Variants in FAT3 observed in about 807,000 individuals in gnomAD.
The protein encoded by FAT3 is FAT atypical cadherin 3.
In FAT3, 95 loss-of-function variants were observed where a neutral mutation model predicts 310.2. That is an observed-to-expected ratio of 0.31 (90% confidence interval 0.26 to 0.36). The LOEUF is 0.36. FAT3 is among the 10% of genes least tolerant of loss of function. The probability of loss-of-function intolerance (pLI) is 1.00; values close to 1 mark genes in which losing one functional copy is unlikely to be tolerated. For missense variants in FAT3, 5,408 were observed against 5,715.6 expected (o/e 0.95, Z 1.74); for synonymous variants, 2,314 against 2,192.9 (o/e 1.06, Z -1.54).
At chr11:92,665,687 A>G (rs550790875) in intron 3 of FAT3, among the ~76,000 whole-genome samples, 2 of 152,258 alleles carry the variant, frequency 1.3e-5, no homozygotes, top group African/African-American at 4.8e-5. Context: ...CTGGGAGGAA[A>G]ATGGTCTATT....
chr11:92,390,659 C>G (rs1390060564), intron 2 of FAT3, among the ~76,000 whole-genome samples: 1 of 152,116 alleles, frequency 6.6e-6, no homozygotes, highest in African/African-American at 2.4e-5. Flanking sequence ...CAGGATTGCC[C>G]TGCAAGGAAA....
intron 8 of FAT3, among the ~76,000 whole-genome samples, chr11:92,791,312 A>G (rs962047363): frequency 6.6e-6 from 1 of 152,216 alleles, no homozygotes; most frequent in African/African-American, 2.4e-5. Context: ...AGCTTACACT[A>G]AATTGGAACT....
At chr11:92,367,209 GCT>G in intron 2 of FAT3, 1 of 324,522 alleles carries the variant, frequency 3.1e-6, no homozygotes. Flanking sequence ...GGTTCCACAT[GCT>G]CTCTCTGTGG....
chr11:92,739,715 C>T (rs961515968), intron 4 of FAT3, among the ~76,000 whole-genome samples: 10 of 152,262 alleles, frequency 6.6e-5, no homozygotes, highest in Middle Eastern at 3.4e-3. Flanking sequence ...AATAACCTTC[C>T]GTGAGTGTGC....
intron 3 of FAT3, among the ~76,000 whole-genome samples, chr11:92,630,126 G>A (rs1006712230): frequency 8.6e-5 from 13 of 151,934 alleles, no homozygotes; most frequent in South Asian, 4.2e-4. Flanking sequence ...TGCCAGGATC[G>A]CATGGCCCTC....
intron 2 of FAT3, among the ~76,000 whole-genome samples, chr11:92,447,431 G>A (rs1202463756): frequency 2.0e-5 from 3 of 151,968 alleles, no homozygotes; most frequent in Non-Finnish European, 4.4e-5. Context: ...ATTAATGACA[G>A]AATAAAGGTG....
intron 4 of FAT3, among the ~76,000 whole-genome samples, chr11:92,732,065 T>C (rs529422864): frequency 6.6e-6 from 1 of 152,300 alleles, no homozygotes; most frequent in Admixed American, 6.5e-5. Flanking sequence ...TTTCCACTGG[T>C]TTTATTTTTG....
chr11:92,830,637 C>T (rs1948219918), intron 13 of FAT3, among the ~76,000 whole-genome samples: 1 of 152,110 alleles, frequency 6.6e-6, no homozygotes, highest in African/African-American at 2.4e-5. Context: ...TGCTTGACAT[C>T]TGCACTTGAA....
chr11:92,739,288 C>A (rs1216692932), intron 4 of FAT3, among the ~76,000 whole-genome samples: 1 of 152,184 alleles, frequency 6.6e-6, no homozygotes, highest in African/African-American at 2.4e-5. Flanking sequence ...CTCATGCAAT[C>A]TTTTTGTTTT....
At chr11:92,564,071 A>C (rs1211227852) in intron 3 of FAT3, among the ~76,000 whole-genome samples, 3 of 152,236 alleles carry the variant, frequency 2.0e-5, no homozygotes, top group Non-Finnish European at 2.9e-5. Context: ...TAAATGCTCC[A>C]ATTAAAAGAC....
intron 3 of FAT3, among the ~76,000 whole-genome samples, chr11:92,677,460 C>G (rs1467286525): frequency 2.6e-5 from 4 of 152,230 alleles, no homozygotes. Flanking sequence ...ACACTGACCT[C>G]TTTTGTCTGA....
chr11:92,720,990 A>G (rs1026975163), intron 4 of FAT3, among the ~76,000 whole-genome samples: 1 of 152,196 alleles, frequency 6.6e-6, no homozygotes, highest in Non-Finnish European at 1.5e-5. Flanking sequence ...AGGATGTTAC[A>G]TAGGTAAACA....
intron 5 of FAT3, 40 bp from the exon 6 acceptor site, chr11:92,764,836 CAGA>C (rs759919825): frequency 6.5e-5 from 102 of 1,567,356 alleles, no homozygotes; most frequent in Middle Eastern, 3.8e-4. Context: ...CTACAACAAT[CAGA>C]GGTCTGAGAC....
intron 7 of FAT3, among the ~76,000 whole-genome samples, chr11:92,778,529 C>T (rs1007358189): frequency 2.0e-5 from 3 of 152,168 alleles, no homozygotes; most frequent in Non-Finnish European, 4.4e-5. Context: ...GTACAAACAA[C>T]TTAAACCTTC....
chr11:92,491,050 A>C (rs1487744376), intron 2 of FAT3, among the ~76,000 whole-genome samples: 1 of 152,070 alleles, frequency 6.6e-6, no homozygotes, highest in Non-Finnish European at 1.5e-5. Flanking sequence ...GTTTGCCTAG[A>C]GGACCATTAT....
At position 92,790,005 on chromosome 11, in the gene FAT3, T is replaced by C. The variant is rs576676466; in HGVS notation, c.4398T>C (p.Asp1466=). 3 of 1,613,830 alleles carry C rather than the reference T, an allele frequency of 1.9e-6. No homozygotes were observed. The highest frequency in any genetic ancestry group is 1.7e-5 in the Admixed American group (1 of 60,002). ...NGPEFSQPNY[D]VTISEDVLPD... ...CAGAATTCTCTCAGCCGAATTACGATGTGACAATTTCCGAGGATGTGCTTC... is the reference window on the plus strand; with the variant it reads ...CAGAATTCTCTCAGCCGAATTACGACGTGACAATTTCCGAGGATGTGCTTC... The change falls in exon 8 of 28, where the codon GAT becomes GAC. Residue 1466 remains aspartate (D), a synonymous_variant. Coordinates refer to ENST00000525166, the MANE Select transcript of FAT3 (RefSeq NM_001367949.2).
At chr11:92,476,559 G>A (rs1016129797) in intron 2 of FAT3, among the ~76,000 whole-genome samples, 1 of 152,178 alleles carries the variant, frequency 6.6e-6, no homozygotes, top group South Asian at 2.1e-4. Context: ...AGAAAGCAGA[G>A]AGCAAATGAA....
At chr11:92,311,057 CAT>C (rs979733905) in intron 1 of FAT3, among the ~76,000 whole-genome samples, 15 of 151,508 alleles carry the variant, frequency 9.9e-5, no homozygotes, top group Middle Eastern at 3.4e-3. Context: ...TATACACACA[CAT>C]ATATGTGTAC....
At position 92,354,644 on chromosome 11, in the gene FAT3, A is replaced by G. The variant is rs1948679007; in HGVS notation, c.2532A>G (p.Ser844=). 6.2e-7 allele frequency: 1 copy of G among 1,613,846 alleles called. No homozygotes were observed. The highest frequency in any genetic ancestry group is 8.5e-7 in the Non-Finnish European group (1 of 1,179,864). Residue 844 remains serine, a synonymous_variant, in exon 2 of 28, where the codon TCA becomes TCG. Coordinates refer to ENST00000525166, the MANE Select transcript of FAT3 (RefSeq NM_001367949.2). ...ACTCAGTTAACATTCTTGAAAGTTC[A>G]GGCATTGGTACTGAAATCATTCAAG... is the stretch of plus-strand genomic sequence containing the variant. The part of the protein sequence containing the change: ...DSYSVNILES[S]GIGTEIIQVE...
Sources: gnomAD v4.1 joint callset for allele counts (sites outside exome capture counted in the v4.1 genomes callset) on GRCh38, gnomAD v4.1.1 for gene constraint, MANE v1.5 for transcripts, NCBI Gene and HGNC (gene_info 2026-07-23, HGNC 2026-07-21) for gene names.